SREK1IP1: variants seen among roughly 807,000 people sequenced by gnomAD.
The protein encoded by SREK1IP1 is protein SREK1IP1.
A neutral mutation model predicts 22.8 loss-of-function variants in SREK1IP1; 12 were observed. The observed-to-expected ratio is 0.53, with a 90% CI of 0.34 to 0.85. The LOEUF (loss-of-function observed/expected upper bound fraction) is 0.85, where lower values mean the gene tolerates loss of function less well. Among genes scored for constraint, SREK1IP1 ranks in the 40% least tolerant of loss-of-function variants. The probability of loss-of-function intolerance (pLI) is 0.02; values close to 1 mark genes in which losing one functional copy is unlikely to be tolerated. For synonymous variants in SREK1IP1, 53 were observed against 52.7 expected (o/e 1.01, Z -0.02); for missense variants, 147 against 171.8 (o/e 0.86, Z 0.81).
chr5:64,747,603 G>A (rs1273160059), intron 2 of SREK1IP1, among the ~76,000 whole-genome samples: 1 of 152,190 alleles, frequency 6.6e-6, no homozygotes, highest in African/African-American at 2.4e-5. Context: ...TAGTGGGAAT[G>A]TAAAATGGTA....
intron 2 of SREK1IP1, among the ~76,000 whole-genome samples, chr5:64,747,838 G>T (rs756991773): frequency 3.9e-5 from 6 of 152,020 alleles, no homozygotes; most frequent in Non-Finnish European, 7.4e-5. Flanking sequence ...TGAAGCAAGA[G>T]AATTGCTTGA....
rs1742097519 is a variant in SREK1IP1, at chr5:64,718,658, A to C, written c.*5726T>G. On this transcript the variant is annotated 3_prime_UTR_variant, in exon 5 of 5. Transcript: ENST00000513458. ...CAAAACAAATGAGTTCTCTGGTCCC[A>C]CCTAATGCTATCACATTAATACCAC... 5 of 152,206 alleles carry C rather than the reference A, an allele frequency of 3.3e-5. No individual in the cohort carries two copies. The highest frequency in any genetic ancestry group is 2.6e-4 in the Admixed American group (4 of 15,276). The allele number at this position is 152,206 out of a possible 1,614,324, so 9.4% of individuals were successfully genotyped here. A position where few individuals can be genotyped will look rare whatever the true frequency, so the allele number is the denominator to read the frequency against.
intron 2 of SREK1IP1, among the ~76,000 whole-genome samples, chr5:64,744,917 T>C (rs1050918514): frequency 1.3e-5 from 2 of 152,236 alleles, no homozygotes; most frequent in African/African-American, 4.8e-5. Flanking sequence ...AAACACACTA[T>C]ACGCATTCTT....
At chr5:64,742,803 T>C (rs1229241548) in intron 2 of SREK1IP1, among the ~76,000 whole-genome samples, 1 of 152,210 alleles carries the variant, frequency 6.6e-6, no homozygotes, top group African/African-American at 2.4e-5. Context: ...CTTAGTTCTT[T>C]ATTTTTTTCT....
chr5:64,752,681 CAATT>C (rs1195365358), intron 2 of SREK1IP1, among the ~76,000 whole-genome samples: 1 of 152,088 alleles, frequency 6.6e-6, no homozygotes, highest in Non-Finnish European at 1.5e-5. Flanking sequence ...CTTTTGTAAA[CAATT>C]GAAAAATACC....
chr5:64,739,000 G>A (rs1312624140), intron 3 of SREK1IP1, among the ~76,000 whole-genome samples: 1 of 152,072 alleles, frequency 6.6e-6, no homozygotes, highest in Non-Finnish European at 1.5e-5. Context: ...TCTGACTCCT[G>A]ATCTTTGACA....
At chr5:64,730,705 G>A (rs1222219037) in intron 3 of SREK1IP1, among the ~76,000 whole-genome samples, 2 of 152,166 alleles carry the variant, frequency 1.3e-5, no homozygotes, top group Non-Finnish European at 2.9e-5. Context: ...GAGGAAGGGA[G>A]AAGTGGGAAA....
At chr5:64,731,241 G>C (rs796927527) in intron 3 of SREK1IP1, among the ~76,000 whole-genome samples, 13 of 152,200 alleles carry the variant, frequency 8.5e-5, no homozygotes, top group African/African-American at 2.9e-4. Flanking sequence ...TAAGAACAAT[G>C]AGAGGACTTG....
At chr5:64,752,928 A>G (rs780209649) in intron 2 of SREK1IP1, among the ~76,000 whole-genome samples, 17 of 152,212 alleles carry the variant, frequency 1.1e-4, no homozygotes, top group South Asian at 6.2e-4. Flanking sequence ...GACAAATCAG[A>G]AATTGTTTAA....
chr5:64,742,958 G>T lies in SREK1IP1; in HGVS notation c.62-1758C>A, dbSNP rs139117220. On this transcript the variant is annotated intron_variant, in intron 2 of 4. Transcript: ENST00000513458. ...GAATCATTCAGAAGCACTCTTTTTA[G>T]CTTCCAAACATATGGAGTTTTCAGG... Among the ~76,000 whole-genome samples, 3 of 152,194 alleles carry T rather than the reference G, an allele frequency of 2.0e-5. No homozygotes were observed. In the East Asian group the frequency reaches 5.8e-4, roughly 29 times the overall value.
intron 1 of SREK1IP1, among the ~76,000 whole-genome samples, chr5:64,766,726 C>T (rs1424755901): frequency 6.6e-6 from 1 of 152,194 alleles, no homozygotes; most frequent in African/African-American, 2.4e-5. Context: ...TCTAGAGGAA[C>T]CAGACTGACT....
At chr5:64,729,040 A>G (rs1289272405) in intron 3 of SREK1IP1, among the ~76,000 whole-genome samples, 2 of 152,162 alleles carry the variant, frequency 1.3e-5, no homozygotes, top group African/African-American at 4.8e-5. Flanking sequence ...AAAATACAAA[A>G]AATTAGCCAG....
chr5:64,728,086 A>T (rs755775087), intron 4 of SREK1IP1, 21 bp downstream of exon 4: 2 of 1,353,100 alleles, frequency 1.5e-6, no homozygotes, highest in Admixed American at 6.8e-5. Context: ...TTTGTTTTTT[A>T]AAATGTTGTT....
At chr5:64,761,438 T>A (rs1283765860) in intron 1 of SREK1IP1, among the ~76,000 whole-genome samples, 1 of 152,204 alleles carries the variant, frequency 6.6e-6, no homozygotes, top group Admixed American at 6.5e-5. Flanking sequence ...TGTGGCAACA[T>A]CATGGTGTAC....
rs1742169228 is a variant in SREK1IP1 at position 64,721,863 on chromosome 5, A to T, written c.*2521T>A. The T allele has an allele frequency of 6.6e-6, 1 of 152,180 alleles. No homozygotes were observed. The highest frequency in any genetic ancestry group is 6.5e-5 in the Admixed American group (1 of 15,284). The allele number at this position is 152,180 out of a possible 1,614,324, so 9.4% of individuals were successfully genotyped here. On this transcript the variant is annotated 3_prime_UTR_variant, in exon 5 of 5. Coordinates refer to ENST00000513458, the MANE Select transcript of SREK1IP1 (RefSeq NM_173829.4). ...CTTGAATTTTAAAATATTGATAATT[A>T]TATATATTAAACCTTGAAGTGATTT...
rs145132497 is a variant in SREK1IP1, at chr5:64,750,470, C to G, written c.61+3845G>C. ...AAGTTACTATTTCTCTGGGTTGTTA[C>G]CCACCACTCCCCCACCACCTCACAG... is the stretch of plus-strand genomic sequence containing the variant. On this transcript the variant is annotated intron_variant, in intron 2 of 4. Coordinates refer to ENST00000513458, the MANE Select transcript of SREK1IP1 (RefSeq NM_173829.4). Among the ~76,000 whole-genome samples, 69 of 152,260 alleles carry G rather than the reference C, an allele frequency of 4.5e-4. 1 individual carries two copies. In the East Asian group the frequency reaches 0.012, roughly 27 times the overall value.
intron 3 of SREK1IP1, among the ~76,000 whole-genome samples, chr5:64,734,832 T>C (rs1379337575): frequency 2.6e-5 from 4 of 152,232 alleles, no homozygotes; most frequent in South Asian, 4.1e-4. Flanking sequence ...TAGATACTTC[T>C]ACATAGATGA....
chr5:64,738,526 CA>C (rs781729091), intron 3 of SREK1IP1, among the ~76,000 whole-genome samples: 11 of 137,988 alleles, frequency 8.0e-5, no homozygotes, highest in Non-Finnish European at 1.4e-4. Context: ...CCCATACAGC[CA>C]AAGCAATCTT....
intron 3 of SREK1IP1, among the ~76,000 whole-genome samples, chr5:64,737,559 T>C (rs1209761559): frequency 1.5e-5 from 2 of 131,550 alleles, no homozygotes; most frequent in African/African-American, 2.8e-5. Context: ...AACCAAACAT[T>C]ATACCTTTAA....
Sources: gnomAD v4.1 joint callset for allele counts (sites outside exome capture counted in the v4.1 genomes callset) on GRCh38, gnomAD v4.1.1 for gene constraint, MANE v1.5 for transcripts, NCBI Gene and HGNC (gene_info 2026-07-23, HGNC 2026-07-21) for gene names.